Variants in RANBP17 observed in about 807,000 individuals in gnomAD.
RANBP17 encodes the protein ran-binding protein 17.
RANBP17 carries 158 observed loss-of-function variants against 141.2 expected under a neutral mutation model. The observed-to-expected ratio is 1.12, with a 90% CI of 0.98 to 1.28. The LOEUF is 1.28. Ranked by LOEUF, RANBP17 falls within the 50% of genes most tolerant of loss-of-function variation. RANBP17 has a pLI of 0.00. For missense variants in RANBP17, 1,438 were observed against 1,290.7 expected, an observed-to-expected ratio of 1.11 and a Z score of -1.75; for synonymous variants, 430 against 450.0, an observed-to-expected ratio of 0.96 and a Z score of 0.56.
chr5:171,203,376 C>T (rs1022461138), intron 19 of RANBP17, among the ~76,000 whole-genome samples: 2 of 152,086 alleles, frequency 1.3e-5, no homozygotes, highest in Admixed American at 6.5e-5. Context: ...AGAAAACACT[C>T]TCTTTAGTGT....
At chr5:170,939,257 G>A (rs1774130132) in intron 12 of RANBP17, among the ~76,000 whole-genome samples, 8 of 152,012 alleles carry the variant, frequency 5.3e-5, no homozygotes, top group Admixed American at 5.2e-4. Flanking sequence ...TTTCATTAAA[G>A]GTTTTTATTA....
At chr5:170,955,639 ATG>A (rs1561927990) in intron 13 of RANBP17, among the ~76,000 whole-genome samples, 2 of 50,488 alleles carry the variant, frequency 4.0e-5, no homozygotes, top group Admixed American at 2.7e-4. Context: ...ATATATATAT[ATG>A]CTCAGTGTAT....
chr5:171,003,196 A>G (rs1256090846), intron 14 of RANBP17, among the ~76,000 whole-genome samples: 1 of 152,180 alleles, frequency 6.6e-6, no homozygotes, highest in African/African-American at 2.4e-5. Flanking sequence ...AAGAATTCCA[A>G]ATGCACAGCC....
intron 11 of RANBP17, among the ~76,000 whole-genome samples, chr5:170,919,832 C>T (rs1021012402): frequency 6.6e-6 from 1 of 151,978 alleles, no homozygotes; most frequent in Non-Finnish European, 1.5e-5. Flanking sequence ...CCTCTCCTCA[C>T]CCTCATCTCT....
chr5:171,189,372 G>A (rs76802839), intron 18 of RANBP17, among the ~76,000 whole-genome samples: 9,323 of 152,286 alleles, frequency 0.061, 373 homozygotes, highest in East Asian at 0.12. Context: ...TACCAGAGCT[G>A]CTTTCTGTTG....
intron 5 of RANBP17, among the ~76,000 whole-genome samples, chr5:170,906,192 T>C (rs1771064471): frequency 6.6e-6 from 1 of 152,076 alleles, no homozygotes; most frequent in African/African-American, 2.4e-5. Context: ...CAAGATTCAC[T>C]GGTTATAAAC....
intron 14 of RANBP17, among the ~76,000 whole-genome samples, chr5:170,993,101 TCTTA>T (rs956656692): frequency 3.9e-5 from 6 of 152,164 alleles, no homozygotes; most frequent in African/African-American, 1.4e-4. Flanking sequence ...CTTTCTTTTA[TCTTA>T]CTTAACCTGT....
chr5:171,114,351 T>C (rs1343122822), intron 14 of RANBP17, among the ~76,000 whole-genome samples: 2 of 152,146 alleles, frequency 1.3e-5, no homozygotes, highest in African/African-American at 4.8e-5. Flanking sequence ...GTCAGAATTG[T>C]TAGCAGTAAT....
intron 14 of RANBP17, among the ~76,000 whole-genome samples, chr5:171,117,356 A>T (rs571915837): frequency 6.6e-6 from 1 of 152,252 alleles, no homozygotes; most frequent in East Asian, 1.9e-4. Context: ...GATAATAGCC[A>T]TCCTAATGGG....
In RANBP17 at chr5:171,101,983, C is replaced by T. The variant is rs571260281; in HGVS notation, c.1711-68147C>T. On this transcript the variant is annotated intron_variant, in intron 14 of 27. Transcript: ENST00000523189. Reference sequence around the variant, plus strand: ...TCCACTGTTAGCCTGATGGGCTTCCCTTTGTGGGTAACCCAACCTTTCTCT... The same window carrying T: ...TCCACTGTTAGCCTGATGGGCTTCCTTTTGTGGGTAACCCAACCTTTCTCT... Among the ~76,000 whole-genome samples, 3 of 152,336 alleles carry T rather than the reference C, an allele frequency of 2.0e-5. No individual in the cohort carries two copies. The East Asian group carries it at 5.8e-4, about 29-fold the overall frequency.
intron 20 of RANBP17, among the ~76,000 whole-genome samples, chr5:171,211,628 G>GT (rs1226824979): frequency 0.024 from 2,997 of 126,084 alleles, 60 homozygotes; most frequent in Middle Eastern, 0.05. Context: ...TGAGGGCAGG[G>GT]TTTTTTTTTT....
At chr5:171,151,569 A>G (rs1457711616) in intron 14 of RANBP17, among the ~76,000 whole-genome samples, 1 of 152,238 alleles carries the variant, frequency 6.6e-6, no homozygotes, top group Non-Finnish European at 1.5e-5. Context: ...ACAAGTTATT[A>G]TGAAAAGATA....
intron 14 of RANBP17, among the ~76,000 whole-genome samples, chr5:171,048,793 G>T (rs1288872750): frequency 2.6e-5 from 4 of 152,134 alleles, no homozygotes; most frequent in Non-Finnish European, 5.9e-5. Context: ...CATTCATGTT[G>T]CTGCAGAGGG....
intron 14 of RANBP17, among the ~76,000 whole-genome samples, chr5:171,157,147 C>G (rs1274852431): frequency 6.6e-6 from 1 of 152,082 alleles, no homozygotes; most frequent in African/African-American, 2.4e-5. Flanking sequence ...TGTGATCAGA[C>G]CAAGAAATAT....
chr5:170,903,357 T>G (rs967417982), intron 5 of RANBP17, among the ~76,000 whole-genome samples: 1 of 152,222 alleles, frequency 6.6e-6, no homozygotes, highest in Non-Finnish European at 1.5e-5. Context: ...GCATCCAAGG[T>G]TGACTTCAGA....
At chr5:171,094,243 C>T (rs984081815) in intron 14 of RANBP17, among the ~76,000 whole-genome samples, 1 of 152,082 alleles carries the variant, frequency 6.6e-6, no homozygotes, top group African/African-American at 2.4e-5. Context: ...TGGCAGCCAA[C>T]TAGTGTGTGT....
At chr5:170,863,823 T>G (rs1767016842) in intron 1 of RANBP17, 1 of 152,214 alleles carries the variant, frequency 6.6e-6, no homozygotes, top group Non-Finnish European at 1.5e-5. Flanking sequence ...CCATATTGGT[T>G]TTGCAGGAAT....
intron 5 of RANBP17, among the ~76,000 whole-genome samples, chr5:170,900,340 C>A (rs2112408): frequency 6.6e-6 from 1 of 151,842 alleles, no homozygotes; most frequent in South Asian, 2.1e-4. Context: ...TTTGTATTTC[C>A]GTGGGGTCAG....
At chr5:171,215,388 A>G (rs1763155462) in intron 21 of RANBP17, among the ~76,000 whole-genome samples, 1 of 152,200 alleles carries the variant, frequency 6.6e-6, no homozygotes, top group Non-Finnish European at 1.5e-5. Context: ...TGTTTACAGT[A>G]GAATGATTTA....
Sources: allele counts gnomAD v4.1 joint callset (sites outside exome capture counted in the v4.1 genomes callset), GRCh38; gene constraint gnomAD v4.1.1; transcripts MANE v1.5; gene names NCBI Gene and HGNC (gene_info 2026-07-23, HGNC 2026-07-21).